The following CCDC102B variants were observed in gnomAD, a reference collection of about 807,000 sequenced individuals.
CCDC102B encodes the protein coiled-coil domain-containing protein 102B.
CCDC102B carries 75 observed loss-of-function variants against 57.4 expected under a neutral mutation model. The observed-to-expected ratio is 1.31, with a 90% CI of 1.08 to 1.58. The LOEUF is 1.58. Among genes scored for constraint, CCDC102B ranks in the 40% most tolerant of loss-of-function variants. CCDC102B has a pLI of 0.00. For synonymous variants in CCDC102B, 206 were observed against 201.9 expected (o/e 1.02, Z -0.17); for missense variants, 636 against 582.6 (o/e 1.09, Z -0.94).
chr18:68,755,528 T>A (rs188738878), intron 2 of CCDC102B, among the ~76,000 whole-genome samples: 41 of 152,310 alleles, frequency 2.7e-4, no homozygotes, highest in Admixed American at 2.2e-3. Context: ...ATAGGGATTT[T>A]TATATTTATA....
chr18:68,968,157 A>G (rs2050209390), intron 6 of CCDC102B, among the ~76,000 whole-genome samples: 1 of 152,182 alleles, frequency 6.6e-6, no homozygotes, highest in South Asian at 2.1e-4. Context: ...TGTAAACATC[A>G]GACTGCACTT....
At chr18:68,791,287 G>A (rs1372348177) in intron 2 of CCDC102B, among the ~76,000 whole-genome samples, 1 of 152,186 alleles carries the variant, frequency 6.6e-6, no homozygotes, top group African/African-American at 2.4e-5. Flanking sequence ...TTTCCTTAGT[G>A]AGGTCAAGTT....
chr18:68,964,811 T>C (rs1354849562), intron 6 of CCDC102B, among the ~76,000 whole-genome samples: 1 of 151,952 alleles, frequency 6.6e-6, no homozygotes, highest in Non-Finnish European at 1.5e-5. Flanking sequence ...CTGAGATTGT[T>C]TTCCTTTCCT....
At position 68,925,931 on chromosome 18, in the gene CCDC102B, A is replaced by G. The variant is rs182655384; in HGVS notation, c.1263+28503A>G. Among the ~76,000 whole-genome samples, 392 of 151,978 alleles carry G rather than the reference A, an allele frequency of 2.6e-3. 3 individuals are homozygous for G. The highest frequency in any genetic ancestry group is 1.0e-3 in the Non-Finnish European group (69 of 67,934). On this transcript the variant is annotated intron_variant, in intron 6 of 7. Coordinates refer to ENST00000360242, the MANE Select transcript of CCDC102B (RefSeq NM_024781.3). ...ATTTTTTAAAGAAAACAATAAAACAACCTCTTACTTGACACTTTTGTTTTT... is the reference window on the plus strand; with the variant it reads ...ATTTTTTAAAGAAAACAATAAAACAGCCTCTTACTTGACACTTTTGTTTTT...
chr18:69,005,027 C>G (rs1460684444), intron 6 of CCDC102B, among the ~76,000 whole-genome samples: 2 of 152,070 alleles, frequency 1.3e-5, no homozygotes, highest in African/African-American at 4.8e-5. Flanking sequence ...ACATGTTCCT[C>G]TGGTTTCTGT....
At chr18:68,825,482 G>C (rs181383976) in intron 1 of CCDC102B, among the ~76,000 whole-genome samples, 1 of 152,192 alleles carries the variant, frequency 6.6e-6, no homozygotes. Flanking sequence ...TTGAAGCCAG[G>C]AGTTGGAGAC....
At chr18:68,788,719 G>T (rs1355074846) in intron 2 of CCDC102B, among the ~76,000 whole-genome samples, 1 of 149,658 alleles carries the variant, frequency 6.7e-6, no homozygotes, top group Admixed American at 6.6e-5. Context: ...GAGCCTATGT[G>T]TGTCTCTGCA....
At chr18:68,920,264 C>A (rs1308014743) in intron 6 of CCDC102B, among the ~76,000 whole-genome samples, 1 of 152,120 alleles carries the variant, frequency 6.6e-6, no homozygotes, top group Non-Finnish European at 1.5e-5. Context: ...TACCCAACTT[C>A]AAACTGTATT....
intron 2 of CCDC102B, among the ~76,000 whole-genome samples, chr18:68,723,302 A>AT (rs2032441033): frequency 6.6e-6 from 1 of 152,084 alleles, no homozygotes; most frequent in South Asian, 2.1e-4. Context: ...GGACCAAACC[A>AT]TATCATTCTG....
At chr18:68,829,048 C>T (rs1353316103) in intron 1 of CCDC102B, among the ~76,000 whole-genome samples, 1 of 151,854 alleles carries the variant, frequency 6.6e-6, no homozygotes, top group African/African-American at 2.4e-5. Flanking sequence ...CTATCTTGCC[C>T]ATCTTTCCTA....
chr18:68,857,425 AAC>A (rs1434616480), intron 4 of CCDC102B, among the ~76,000 whole-genome samples: 2 of 129,984 alleles, frequency 1.5e-5, no homozygotes, highest in Admixed American at 9.0e-5. Flanking sequence ...TTTATATATA[AAC>A]ACAAATCATT....
intron 4 of CCDC102B, among the ~76,000 whole-genome samples, chr18:68,860,473 AAC>A (rs1311550518): frequency 0.27 from 26,216 of 98,490 alleles, 3,804 homozygotes; most frequent in Non-Finnish European, 0.34. Context: ...CAAAAACAAA[AAC>A]AAAAAAAAAA....
intron 1 of CCDC102B, among the ~76,000 whole-genome samples, chr18:68,798,874 C>T (rs1014273560): frequency 1.3e-5 from 2 of 151,742 alleles, no homozygotes; most frequent in African/African-American, 2.4e-5. Flanking sequence ...ACGTTTTCTG[C>T]AAAGATAAAT....
chr18:69,040,104 G>T (rs2052393303), intron 7 of CCDC102B, among the ~76,000 whole-genome samples: 1 of 151,842 alleles, frequency 6.6e-6, no homozygotes, highest in African/African-American at 2.4e-5. Context: ...ACCATAAAAT[G>T]AATTTATCTA....
chr18:68,740,336 C>T (rs779222076), intron 2 of CCDC102B, among the ~76,000 whole-genome samples: 2 of 152,182 alleles, frequency 1.3e-5, no homozygotes, highest in African/African-American at 4.8e-5. Context: ...TTTTCTCCAA[C>T]ATCAATCTTA....
intron 7 of CCDC102B, among the ~76,000 whole-genome samples, chr18:69,049,438 A>G (rs1442308424): frequency 6.6e-6 from 1 of 152,082 alleles, no homozygotes; most frequent in African/African-American, 2.4e-5. Context: ...CTCTAGTGCT[A>G]AGGATTAGCA....
chr18:68,905,034 T>C (rs2040576692), intron 6 of CCDC102B, among the ~76,000 whole-genome samples: 2 of 151,860 alleles, frequency 1.3e-5, no homozygotes, highest in Non-Finnish European at 2.9e-5. Context: ...TAATTATGTT[T>C]CCTGATTTGT....
At chr18:68,978,073 A>G (rs2050487547) in intron 6 of CCDC102B, among the ~76,000 whole-genome samples, 1 of 152,020 alleles carries the variant, frequency 6.6e-6, no homozygotes, top group African/African-American at 2.4e-5. Context: ...TAAGCACACA[A>G]TGTGCTACCA....
chr18:68,850,170 A>G lies in CCDC102B; in HGVS notation c.936+3749A>G, dbSNP rs964323046. Among the ~76,000 whole-genome samples, 3 of 152,148 alleles carry G rather than the reference A, an allele frequency of 2.0e-5. No homozygotes were observed. In the East Asian group the frequency reaches 5.8e-4, roughly 29 times the overall value. The stretch of plus-strand genomic sequence containing the variant: ...TAACTAGTTTCTGCAGCAAGAGTCA[A>G]TATGTTACATCGTATAGCCATACTT... On this transcript the variant is annotated intron_variant, in intron 4 of 7. Transcript: ENST00000360242.
Sources: allele counts gnomAD v4.1 joint callset (sites outside exome capture counted in the v4.1 genomes callset), GRCh38; gene constraint gnomAD v4.1.1; transcripts MANE v1.5; gene names NCBI Gene and HGNC (gene_info 2026-07-23, HGNC 2026-07-21).